Variants in PER3 observed in about 807,000 individuals in gnomAD.
PER3 encodes the protein period circadian regulator 3.
Under a neutral mutation model 127.2 loss-of-function variants are expected in PER3, and 107 were observed. The ratio of observed to expected loss-of-function variants is 0.84; its 90% confidence interval spans 0.72 to 0.99. The LOEUF is 0.99. PER3 is among the 50% of genes least tolerant of loss of function. The pLI is 0.00. For synonymous variants in PER3, 618 were observed against 585.8 expected (o/e 1.05, Z -0.79); for missense variants, 1,560 against 1,525.8 (o/e 1.02, Z -0.37).
rs747385895 is a variant in PER3, at chr1:7,826,023, C to T, written c.1958-457C>T. Among the ~76,000 whole-genome samples, 2 of 152,100 alleles carry T rather than the reference C, an allele frequency of 1.3e-5. No homozygotes were observed. The highest frequency in any genetic ancestry group is 2.9e-5 in the Non-Finnish European group (2 of 68,032). On this transcript the variant is annotated intron_variant, in intron 16 of 21. Coordinates refer to ENST00000377532, the MANE Select transcript of PER3 (RefSeq NM_001377275.1). The surrounding 1 kb of genome is among the most constrained non-coding windows in gnomAD (Gnocchi z 4.2). Reference sequence around the variant, plus strand: ...AGGCGGAGGTTGCAGTGAGCCATGACGGCGCCACTTCACTCCAGCGGAATG... The same window carrying T: ...AGGCGGAGGTTGCAGTGAGCCATGATGGCGCCACTTCACTCCAGCGGAATG...
chr1:7,800,497 G>A (rs184896857), intron 7 of PER3, among the ~76,000 whole-genome samples: 20 of 151,916 alleles, frequency 1.3e-4, no homozygotes, highest in East Asian at 3.9e-4. Context: ...CGAGCCCGGC[G>A]ACACTTCATT....
chr1:7,832,802 A>ATGCTATTG (rs2097339075), intron 19 of PER3, among the ~76,000 whole-genome samples: 1 of 150,294 alleles, frequency 6.7e-6, no homozygotes, highest in African/African-American at 2.4e-5. Context: ...TAAACATTTA[A>ATGCTATTG]TGCTATTGAA....
chr1:7,809,262 C>T (rs967699535), intron 11 of PER3, among the ~76,000 whole-genome samples: 2 of 152,124 alleles, frequency 1.3e-5, no homozygotes, highest in Non-Finnish European at 2.9e-5. Flanking sequence ...CCAAAGGCAC[C>T]AGCGTGCTCA....
intron 3 of PER3, 41 bp downstream of exon 3, chr1:7,785,627 A>G (rs779666556): frequency 3.8e-6 from 6 of 1,581,290 alleles, no homozygotes; most frequent in African/African-American, 1.4e-5. Flanking sequence ...CGAATGCACC[A>G]GGACTCATAC....
intron 8 of PER3, 123 bp downstream of exon 8, chr1:7,801,314 G>T: frequency 1.4e-5 from 8 of 587,794 alleles, no homozygotes; most frequent in East Asian, 3.1e-5. Flanking sequence ...TTGCCTATTT[G>T]ATTTTTGTTA....
chr1:7,838,887 C>A (rs993265684), intron 21 of PER3, among the ~76,000 whole-genome samples: 1 of 152,160 alleles, frequency 6.6e-6, no homozygotes, highest in Non-Finnish European at 1.5e-5. Flanking sequence ...CTTTCAAAAT[C>A]GGTTCAGTCA....
chr1:7,844,882 G>A lies in PER3; in HGVS notation c.*2127G>A, dbSNP rs892974428. ...TTTATATTAATGACTATTGAAAGTG[G>A]TAATAAAAATTTATATTATAGGCTT... is the stretch of plus-strand genomic sequence containing the variant. On this transcript the variant is annotated 3_prime_UTR_variant, in exon 22 of 22. Coordinates refer to ENST00000377532, the MANE Select transcript of PER3 (RefSeq NM_001377275.1). 2 of 152,444 alleles carry A rather than the reference G, an allele frequency of 1.3e-5. No individual in the cohort carries two copies. The highest frequency in any genetic ancestry group is 2.9e-5 in the Non-Finnish European group (2 of 68,024). 9.4% of individuals were successfully genotyped at this position (152,444 alleles called of 1,614,324 possible). A position where few individuals can be genotyped will look rare whatever the true frequency, so the allele number is the denominator to read the frequency against.
chr1:7,840,294 A>G (rs753563849), intron 21 of PER3, among the ~76,000 whole-genome samples: 15 of 149,432 alleles, frequency 1.0e-4, no homozygotes, highest in East Asian at 1.9e-4. Context: ...ATTTTGCTCC[A>G]TGTCTTTCTT....
At position 7,842,742 on chromosome 1, in the gene PER3, A is replaced by G. The variant is rs1338726441; in HGVS notation, c.3620A>G (p.Glu1207Gly). The change falls in exon 22 of 22, where the codon GAA becomes GGA. Residue 1207 changes from glutamate (E) to glycine (G), a missense_variant. Physicochemically the swap from Glu to Gly is moderately conservative, Grantham distance 98. Transcript: ENST00000377532. ...ACATCCTGTGGTCAGGTTCTGGTAG[A>G]AGACAGCTGTTGAGTGACTGTGAGG... ...AATSCGQVLV[E>G]DSC is the part of the protein sequence containing the mutation. 1 of 1,613,180 alleles carries G rather than the reference A, an allele frequency of 6.2e-7. No homozygotes were observed. The highest frequency in any genetic ancestry group is 1.7e-5 in the Admixed American group (1 of 60,008).
chr1:7,839,188 G>T (rs2097372577), intron 21 of PER3, among the ~76,000 whole-genome samples: 1 of 152,114 alleles, frequency 6.6e-6, no homozygotes, highest in Non-Finnish European at 1.5e-5. Context: ...ATTTATACCA[G>T]CTTAACTTTG....
chr1:7,806,508 T>C (rs1200211639), intron 10 of PER3, among the ~76,000 whole-genome samples: 1 of 152,070 alleles, frequency 6.6e-6, no homozygotes, highest in Non-Finnish European at 1.5e-5. Flanking sequence ...TGACTTAAAA[T>C]ACATTTTAGT....
intron 16 of PER3, among the ~76,000 whole-genome samples, chr1:7,822,351 A>T (rs2097281117): frequency 6.6e-6 from 1 of 151,296 alleles, no homozygotes; most frequent in Admixed American, 6.6e-5. Flanking sequence ...CACCTCCCGG[A>T]TTCAAGCGAT....
rs779222639 is a variant in PER3 at position 7,827,135 on chromosome 1, C to G, written c.2206C>G (p.Gln736Glu). ...SYFQGDSTSK[Q>E]TRSAGCRKGK... The stretch of plus-strand genomic sequence containing the variant: ...CCTTCCAGGAGATTCTACTTCCAAG[C>G]AGACGCGGTCGGCCGGCTGCAGGAA... The change falls in exon 18 of 22, where the codon CAG becomes GAG. Residue 736 changes from glutamine to glutamate, a missense_variant. Gln to Glu is a conservative substitution (Grantham distance 29). Transcript: ENST00000377532. 6.3e-7 allele frequency: 1 copy of G among 1,597,916 alleles called. No homozygotes were observed. Among genetic ancestry groups the G allele is most frequent in the East Asian group, 2.2e-5 (1 of 44,632 alleles).
intron 13 of PER3, among the ~76,000 whole-genome samples, chr1:7,816,944 A>C (rs989978567): frequency 6.6e-6 from 1 of 152,252 alleles, no homozygotes; most frequent in Non-Finnish European, 1.5e-5. Flanking sequence ...TGGATAAGCT[A>C]TGTGTATCCA....
In PER3 at chr1:7,789,140, A is replaced by AAAAT. The variant is rs1553301245; in HGVS notation, c.592+895_592+896insAATA. The stretch of plus-strand genomic sequence containing the variant: ...TGAAGTGTCTCTTAAAGAGCTTTAA[A>AAAAT]ATATATATATATATATATCAGCGTT... On this transcript the variant is annotated intron_variant, in intron 5 of 21. Coordinates refer to ENST00000377532, the MANE Select transcript of PER3 (RefSeq NM_001377275.1). Among the ~76,000 whole-genome samples the AAAAT allele has an allele frequency of 3.8e-5, 5 of 133,160 alleles. 1 individual carries two copies. The highest frequency in any genetic ancestry group is 6.7e-5 in the Non-Finnish European group (4 of 60,106). 87.4% of individuals were successfully genotyped at this position (133,160 alleles called of 152,430 possible).
chr1:7,815,711 C>T (rs554616481), intron 13 of PER3, among the ~76,000 whole-genome samples: 7 of 152,060 alleles, frequency 4.6e-5, no homozygotes, highest in South Asian at 2.1e-4. Context: ...TTGGGCCGGG[C>T]GCAGTGGCTC....
chr1:7,804,142 AT>A (rs927512761), intron 10 of PER3, among the ~76,000 whole-genome samples: 1 of 152,154 alleles, frequency 6.6e-6, no homozygotes, highest in African/African-American at 2.4e-5. Context: ...ACATGGAAAA[AT>A]ATTTGATTTT....
intron 13 of PER3, among the ~76,000 whole-genome samples, chr1:7,818,365 A>AT (rs2097260834): frequency 1.3e-5 from 2 of 152,204 alleles, no homozygotes; most frequent in African/African-American, 4.8e-5. Context: ...TAATACAGTC[A>AT]TTTTTCCATA....
At chr1:7,787,264 C>G in intron 4 of PER3, 1 of 806,098 alleles carries the variant, frequency 1.2e-6, no homozygotes, top group East Asian at 1.1e-4. Flanking sequence ...GAGATGCTGT[C>G]ATTTTTCCTA....
Sources: gnomAD v4.1 joint callset for allele counts (sites outside exome capture counted in the v4.1 genomes callset) on GRCh38, gnomAD v4.1.1 for gene constraint, Gnocchi (gnomAD v3.1) non-coding constraint, MANE v1.5 for transcripts, NCBI Gene and HGNC (gene_info 2026-07-23, HGNC 2026-07-21) for gene names.